The following ABLIM2 variants were observed in gnomAD, a reference collection of about 807,000 sequenced individuals.
The protein encoded by ABLIM2 is actin binding LIM protein family member 2, also known as actin-binding LIM protein 2.
ABLIM2 carries 53 observed loss-of-function variants against 97.7 expected under a neutral mutation model. The ratio of observed to expected loss-of-function variants is 0.54; its 90% CI spans 0.44 to 0.68. The LOEUF (loss-of-function observed/expected upper bound fraction) is 0.68. Among genes scored for constraint, ABLIM2 ranks in the 30% least tolerant of loss-of-function variants. ABLIM2 has a pLI of 0.00. For missense variants in ABLIM2, 835 were observed against 867.2 expected (o/e 0.96, Z 0.47); for synonymous variants, 361 against 345.8 (o/e 1.04, Z -0.49).
chr4:7,975,461 C>T (rs899022494), intron 20 of ABLIM2, among the ~76,000 whole-genome samples: 3 of 152,192 alleles, frequency 2.0e-5, no homozygotes, highest in African/African-American at 7.2e-5. Context: ...TAACTGAACA[C>T]CTACTATGTG....
At position 8,120,502 on chromosome 4, in the gene ABLIM2, A is replaced by G. The variant is rs746385196; in HGVS notation, c.11-13865T>C. 1.3e-5 allele frequency among the ~76,000 whole-genome samples: 2 copies of G among 152,028 alleles called. No individual in the cohort carries two copies. The highest frequency in any genetic ancestry group is 2.9e-5 in the Non-Finnish European group (2 of 67,998). On this transcript the variant is annotated intron_variant, in intron 1 of 20. Transcript: ENST00000447017. This position sits in a 1 kb window ranked among gnomAD's most constrained non-coding sequence, Gnocchi z 5.6. ...ACCCAACATGAAGACGCGGGAGAAG[A>G]TGGCGACTTAGATGCCAGGAGAGGG...
At chr4:8,086,566 G>C (rs1236436506) in intron 4 of ABLIM2, among the ~76,000 whole-genome samples, 1 of 151,922 alleles carries the variant, frequency 6.6e-6, no homozygotes, top group Non-Finnish European at 1.5e-5. Flanking sequence ...GCTGGTCTCG[G>C]ACTCCTGGCC....
intron 3 of ABLIM2, among the ~76,000 whole-genome samples, chr4:8,092,895 C>T (rs1219188131): frequency 6.6e-6 from 1 of 152,162 alleles, no homozygotes; most frequent in African/African-American, 2.4e-5. Flanking sequence ...GTCACCCAGG[C>T]TGGAGTGCAG....
In ABLIM2 at chr4:8,125,181, T is replaced by C. The variant is rs749265520; in HGVS notation, c.11-18544A>G. Reference sequence around the variant, plus strand: ...TATTTTGTGAGTTGTGTTTTCACTTTCCTCACGATGTCTTTGGCATCACAG... The same window carrying C: ...TATTTTGTGAGTTGTGTTTTCACTTCCCTCACGATGTCTTTGGCATCACAG... On this transcript the variant is annotated intron_variant, in intron 1 of 20. Coordinates refer to ENST00000447017, the MANE Select transcript of ABLIM2 (RefSeq NM_001130083.2). The surrounding 1 kb of genome is among the most constrained non-coding windows in gnomAD (Gnocchi z 6.2). Among the ~76,000 whole-genome samples, 11 of 152,242 alleles carry C rather than the reference T, an allele frequency of 7.2e-5. No individual in the cohort carries two copies. The highest frequency in any genetic ancestry group is 1.0e-4 in the Non-Finnish European group (7 of 68,052).
rs1846122383 is a variant in ABLIM2 at position 8,122,907 on chromosome 4, A to G, written c.11-16270T>C. Among the ~76,000 whole-genome samples, 1 of 151,930 alleles carries G rather than the reference A, an allele frequency of 6.6e-6. No homozygotes were observed. The highest frequency in any genetic ancestry group is 2.1e-4 in the South Asian group (1 of 4,802). On this transcript the variant is annotated intron_variant, in intron 1 of 20. Coordinates refer to ENST00000447017, the MANE Select transcript of ABLIM2 (RefSeq NM_001130083.2). The surrounding 1 kb of genome is among the most constrained non-coding windows in gnomAD (Gnocchi z 4.1). The stretch of plus-strand genomic sequence containing the variant: ...GCGTGGATGAGGGGATGGGAGAGGG[A>G]GAGGGGTGAGGGGCGAACCAGCCCT...
chr4:8,104,403 G>T (rs1836169640), intron 2 of ABLIM2, among the ~76,000 whole-genome samples: 1 of 152,232 alleles, frequency 6.6e-6, no homozygotes. Context: ...CAGGGCAGTG[G>T]TATTGGGGTA....
chr4:8,108,352 C>G (rs990537347), intron 1 of ABLIM2, among the ~76,000 whole-genome samples: 1 of 152,226 alleles, frequency 6.6e-6, no homozygotes, highest in Non-Finnish European at 1.5e-5. Context: ...AAGTTCACCC[C>G]GAATGATCTC....
rs73214072 is a variant in ABLIM2 at position 7,966,501 on chromosome 4, C to T, written c.*489G>A. ...ACCCCACTCTTGGCACTGTCCCAGA[C>T]GCTCACTGCCCCGTCTGCGAGTCTG... On this transcript the variant is annotated 3_prime_UTR_variant, in exon 21 of 21. Coordinates refer to ENST00000447017, the MANE Select transcript of ABLIM2 (RefSeq NM_001130083.2). 759 of 161,102 alleles carry T rather than the reference C, an allele frequency of 4.7e-3. 3 individuals are homozygous for T. Among genetic ancestry groups the T allele is most frequent in the Non-Finnish European group, 7.8e-3 (566 of 72,954 alleles). 10.0% of individuals were successfully genotyped at this position (161,102 alleles called of 1,614,324 possible).
intron 6 of ABLIM2, among the ~76,000 whole-genome samples, chr4:8,066,374 G>T (rs1807578027): frequency 1.5e-5 from 1 of 68,676 alleles, no homozygotes; most frequent in Non-Finnish European, 3.1e-5. Flanking sequence ...AGGAAGGAAG[G>T]AAGGAAGGAA....
intron 1 of ABLIM2, among the ~76,000 whole-genome samples, chr4:8,145,340 C>G (rs374565693): frequency 2.6e-5 from 4 of 152,102 alleles, no homozygotes; most frequent in African/African-American, 9.7e-5. Context: ...CACACCACCA[C>G]GCCCAGCTAA....
chr4:8,021,335 G>A lies in ABLIM2; in HGVS notation c.1268-1032C>T, dbSNP rs1773568440. The stretch of plus-strand genomic sequence containing the variant: ...GACGCCCCTCCCCCCACACCTGTTT[G>A]GGGAATGAGGTGACAGACAGATGCA... On this transcript the variant is annotated intron_variant, in intron 12 of 20. Transcript: ENST00000447017. This position sits in a 1 kb window ranked among gnomAD's most constrained non-coding sequence, Gnocchi z 5.5. 6.6e-6 allele frequency among the ~76,000 whole-genome samples: 1 copy of A among 152,152 alleles called. No homozygotes were observed. The highest frequency in any genetic ancestry group is 1.5e-5 in the Non-Finnish European group (1 of 68,036).
intron 6 of ABLIM2, among the ~76,000 whole-genome samples, chr4:8,074,949 C>A (rs996851172): frequency 6.6e-6 from 1 of 152,034 alleles, no homozygotes; most frequent in Admixed American, 6.6e-5. Flanking sequence ...CCATGCCCAG[C>A]TAATTTTTGT....
In ABLIM2 at chr4:8,069,465, G is replaced by A. The variant is rs549897990; in HGVS notation, c.675+8163C>T. On this transcript the variant is annotated intron_variant, in intron 6 of 20. Transcript: ENST00000447017. This position sits in a 1 kb window ranked among gnomAD's most constrained non-coding sequence, Gnocchi z 4.2. ...GACCAGGGGACGCAAGGGAGGACAC[G>A]ACAGGCCAGCGTGGAAGGGTAGGAC... Among the ~76,000 whole-genome samples, 3 of 152,242 alleles carry A rather than the reference G, an allele frequency of 2.0e-5. No individual in the cohort carries two copies. The highest frequency in any genetic ancestry group is 4.4e-5 in the Non-Finnish European group (3 of 68,042).
rs1419078514 is a variant in ABLIM2, at chr4:8,128,015, G to A, written c.11-21378C>T. On this transcript the variant is annotated intron_variant, in intron 1 of 20. Transcript: ENST00000447017. This position sits in a 1 kb window ranked among gnomAD's most constrained non-coding sequence, Gnocchi z 4.9. Reference sequence around the variant, plus strand: ...TCAAACAACAGATACGGATTCTCTCGCAGTTCTGGGGGCCAGAAGTCTGAC... The same window carrying A: ...TCAAACAACAGATACGGATTCTCTCACAGTTCTGGGGGCCAGAAGTCTGAC... 1.3e-5 allele frequency among the ~76,000 whole-genome samples: 2 copies of A among 152,192 alleles called. No homozygotes were observed. Among genetic ancestry groups the A allele is most frequent in the African/African-American group, 2.4e-5 (1 of 41,452 alleles).
intron 14 of ABLIM2, among the ~76,000 whole-genome samples, chr4:8,016,017 A>T (rs1768854104): frequency 1.3e-5 from 2 of 150,820 alleles, no homozygotes; most frequent in Non-Finnish European, 2.9e-5. Context: ...GTCTGTAATA[A>T]GAGGTGATTT....
At position 8,127,705 on chromosome 4, in the gene ABLIM2, C is replaced by A; in HGVS notation, c.11-21068G>T. The A allele has an allele frequency of 1.6e-6, 2 of 1,239,996 alleles. No individual in the cohort carries two copies. Among genetic ancestry groups the A allele is most frequent in the East Asian group, 1.2e-4 (2 of 17,122 alleles). The allele number at this position is 1,239,996 out of a possible 1,614,324, so 76.8% of individuals were successfully genotyped here. ...GTGGCCCACAGGGCTCCCACAAGGT[C>A]ACGTGGCAGCTGCCACCCTCTGCCC... On this transcript the variant is annotated intron_variant, in intron 1 of 20. Coordinates refer to ENST00000447017, the MANE Select transcript of ABLIM2 (RefSeq NM_001130083.2). The surrounding 1 kb of genome is among the most constrained non-coding windows in gnomAD (Gnocchi z 7.3).
In ABLIM2 at chr4:8,097,247, C is replaced by T. The variant is rs371040781; in HGVS notation, c.190G>A (p.Val64Met). ...GTGCAGATGTACTCGCCCTGCCGCACGAAGAAGCCGCCCTCGGCCAGGTCG... is the reference window on the plus strand; with the variant it reads ...GTGCAGATGTACTCGCCCTGCCGCATGAAGAAGCCGCCCTCGGCCAGGTCG... Reference protein sequence around the residue: ...GCDLAEGGFFVRQGEYICTLD... With the variant: ...GCDLAEGGFFMRQGEYICTLD... Residue 64 changes from valine (V) to methionine (M), a missense_variant, in exon 3 of 21, where the codon GTG becomes ATG. Val to Met is a conservative substitution (Grantham distance 21, BLOSUM62 1). Coordinates refer to ENST00000447017, the MANE Select transcript of ABLIM2 (RefSeq NM_001130083.2). The T allele has an allele frequency of 1.2e-5, 19 of 1,571,694 alleles. No homozygotes were observed. The highest frequency in any genetic ancestry group is 4.1e-5 in the African/African-American group (3 of 73,714).
rs1263525992 is a variant in ABLIM2, at chr4:8,033,584, A to G, written c.1047+2565T>C. Among the ~76,000 whole-genome samples the G allele has an allele frequency of 2.6e-5, 4 of 152,148 alleles. No individual in the cohort carries two copies. Among genetic ancestry groups the G allele is most frequent in the Non-Finnish European group, 4.4e-5 (3 of 68,020 alleles). ...GTCGCACTTTATGGCTGAGAGCGGA[A>G]GCTCACACACAGGTGCCACTGTTTA... On this transcript the variant is annotated intron_variant, in intron 10 of 20. Coordinates refer to ENST00000447017, the MANE Select transcript of ABLIM2 (RefSeq NM_001130083.2). The surrounding 1 kb of genome is among the most constrained non-coding windows in gnomAD (Gnocchi z 4.5).
chr4:8,019,001 G>T lies in ABLIM2; in HGVS notation c.1423+617C>A, dbSNP rs1771536218. The stretch of plus-strand genomic sequence containing the variant: ...CCCAGAAATCCCAGGAGGAAAGAGA[G>T]GGGAGACCATGTGGCCCCGATTCCT... On this transcript the variant is annotated intron_variant, in intron 14 of 20. Transcript: ENST00000447017. The surrounding 1 kb of genome is among the most constrained non-coding windows in gnomAD (Gnocchi z 4.3). Among the ~76,000 whole-genome samples the T allele has an allele frequency of 6.6e-6, 1 of 152,162 alleles. No homozygotes were observed. Among genetic ancestry groups the T allele is most frequent in the African/African-American group, 2.4e-5 (1 of 41,436 alleles).
Sources: allele counts gnomAD v4.1 joint callset (sites outside exome capture counted in the v4.1 genomes callset), GRCh38; gene constraint gnomAD v4.1.1; non-coding constraint Gnocchi (gnomAD v3.1); transcripts MANE v1.5; gene names NCBI Gene and HGNC (gene_info 2026-07-23, HGNC 2026-07-21).